Variants in PLCG2 observed in about 807,000 individuals in gnomAD.
PLCG2 encodes the protein phospholipase C gamma 2.
PLCG2 carries 69 observed loss-of-function variants against 175.6 expected under a neutral mutation model. That is an observed-to-expected ratio of 0.39 (90% CI 0.32 to 0.48). PLCG2 has a LOEUF of 0.48. Ranked by LOEUF, PLCG2 falls within the 20% of genes least tolerant of loss-of-function variation. The probability of loss-of-function intolerance (pLI) is 0.91; values close to 1 mark genes in which losing one functional copy is unlikely to be tolerated. For synonymous variants in PLCG2, 827 were observed against 624.0 expected, an observed-to-expected ratio of 1.33 and a Z score of -4.85; for missense variants, 1,798 against 1,650.9, an observed-to-expected ratio of 1.09 and a Z score of -1.54.
intron 2 of PLCG2, among the ~76,000 whole-genome samples, chr16:81,836,625 C>G (rs1026022693): frequency 2.0e-5 from 3 of 152,182 alleles, no homozygotes; most frequent in African/African-American, 7.2e-5. Context: ...CCTTTGGTCC[C>G]AGCTCCTTAG....
chr16:81,885,183 C>T (rs536979505), intron 9 of PLCG2, among the ~76,000 whole-genome samples: 18 of 152,222 alleles, frequency 1.2e-4, no homozygotes, highest in African/African-American at 4.1e-4. Flanking sequence ...TCTGCCACAA[C>T]ACCTGTATTT....
intron 2 of PLCG2, among the ~76,000 whole-genome samples, chr16:81,843,535 T>C (rs1337914573): frequency 6.6e-6 from 1 of 152,234 alleles, no homozygotes; most frequent in Non-Finnish European, 1.5e-5. Context: ...CTTAAGTACC[T>C]AAAATCAGCC....
chr16:81,830,044 G>A (rs1324297585), intron 2 of PLCG2, among the ~76,000 whole-genome samples: 1 of 152,096 alleles, frequency 6.6e-6, no homozygotes, highest in Non-Finnish European at 1.5e-5. Context: ...TAGTGGCCGG[G>A]TGCAGTGGCT....
At chr16:81,783,223 G>A (rs914239751) in intron 1 of PLCG2, 1 of 452,652 alleles carries the variant, frequency 2.2e-6, no homozygotes, top group Non-Finnish European at 4.4e-6. Flanking sequence ...CAGGATGCAT[G>A]GCTGGGAACA....
rs747460301 is a variant in PLCG2 at position 81,958,652 on chromosome 16, GA to G, written c.*656del. 53 of 223,942 alleles carry G rather than the reference GA, an allele frequency of 2.4e-4. No individual in the cohort carries two copies. Among genetic ancestry groups the G allele is most frequent in the Non-Finnish European group, 3.4e-4 (38 of 112,298 alleles). 13.9% of individuals were successfully genotyped at this position (223,942 alleles called of 1,614,324 possible). A position where few individuals can be genotyped will look rare whatever the true frequency, so the allele number is the denominator to read the frequency against. ...CTAGAGTTACTGGGATGGAGGGTAG[GA>G]ATCTTGGGGCCTCTTTGTTTTAAAA... On this transcript the variant is annotated 3_prime_UTR_variant, in exon 33 of 33. Transcript: ENST00000564138.
intron 2 of PLCG2, among the ~76,000 whole-genome samples, chr16:81,773,665 A>T (rs1199431184): frequency 6.6e-6 from 1 of 152,184 alleles, no homozygotes; most frequent in East Asian, 1.9e-4. Flanking sequence ...GTTCATTGCA[A>T]TGTAGTGACT....
chr16:81,818,105 A>G (rs1413781619), intron 2 of PLCG2, among the ~76,000 whole-genome samples: 1 of 152,098 alleles, frequency 6.6e-6, no homozygotes, highest in East Asian at 1.9e-4. Flanking sequence ...GAGAATTACA[A>G]CACCTACTTT....
chr16:81,749,370 A>G (rs1316043628), intron 1 of PLCG2, among the ~76,000 whole-genome samples: 5 of 151,948 alleles, frequency 3.3e-5, no homozygotes, highest in Admixed American at 1.3e-4. Context: ...TTTTTTTGCG[A>G]TGGAGTCTCA....
chr16:81,959,080 T>A lies in PLCG2; in HGVS notation c.*1082T>A. On this transcript the variant is annotated 3_prime_UTR_variant, in exon 33 of 33. Coordinates refer to ENST00000564138, the MANE Select transcript of PLCG2 (RefSeq NM_002661.5). ...TTAAGTTGTTAATACATACCAATAA[T>A]GTAATATGGCTTTTTAAAGGAGAGG... 1 of 223,502 alleles carries A rather than the reference T, an allele frequency of 4.5e-6. No homozygotes were observed. 13.8% of individuals were successfully genotyped at this position (223,502 alleles called of 1,614,324 possible).
intron 25 of PLCG2, among the ~76,000 whole-genome samples, chr16:81,933,401 G>T (rs1227407095): frequency 3.9e-5 from 6 of 152,120 alleles, no homozygotes; most frequent in African/African-American, 1.4e-4. Flanking sequence ...CTGTCCCTAA[G>T]TGCCCGCATT....
rs193156996 is a variant in PLCG2 at position 81,916,933 on chromosome 16, C to T, written c.2055-2551C>T. Reference sequence around the variant, plus strand: ...GATTACAGGTGTGAGCCACCACGCCCGGCCAGGACTTTGTTATTGACTATA... The same window carrying T: ...GATTACAGGTGTGAGCCACCACGCCTGGCCAGGACTTTGTTATTGACTATA... On this transcript the variant is annotated intron_variant, in intron 19 of 32. Coordinates refer to ENST00000564138, the MANE Select transcript of PLCG2 (RefSeq NM_002661.5). 3.0e-3 allele frequency among the ~76,000 whole-genome samples: 462 copies of T among 152,248 alleles called. 3 individuals are homozygous for T. Among genetic ancestry groups the T allele is most frequent in the African/African-American group, 0.01 (432 of 41,566 alleles).
chr16:81,926,643 A>G (rs534507430), intron 22 of PLCG2, among the ~76,000 whole-genome samples: 1 of 152,164 alleles, frequency 6.6e-6, no homozygotes, highest in Non-Finnish European at 1.5e-5. Context: ...ACGTTTATGC[A>G]TTTTTCAGAT....
intron 19 of PLCG2, among the ~76,000 whole-genome samples, chr16:81,918,665 T>C (rs1433266776): frequency 1.3e-5 from 2 of 152,228 alleles, no homozygotes; most frequent in Non-Finnish European, 2.9e-5. Flanking sequence ...GTAGTATATT[T>C]TGAAGTAAGA....
At chr16:81,950,583 C>A (rs1175076403) in intron 31 of PLCG2, among the ~76,000 whole-genome samples, 1 of 152,196 alleles carries the variant, frequency 6.6e-6, no homozygotes, top group African/African-American at 2.4e-5. Flanking sequence ...CTATTTTCTT[C>A]TGTCTCAAAC....
chr16:81,814,721 G>A (rs1477996100), intron 2 of PLCG2, among the ~76,000 whole-genome samples: 1 of 151,974 alleles, frequency 6.6e-6, no homozygotes, highest in East Asian at 1.9e-4. Context: ...ACACCCTGGG[G>A]GACATGAAGC....
chr16:81,902,668 C>T (rs1909201101), intron 14 of PLCG2, among the ~76,000 whole-genome samples: 2 of 152,054 alleles, frequency 1.3e-5, no homozygotes, highest in Admixed American at 6.6e-5. Flanking sequence ...ACCCTCATTC[C>T]CGTTCATGAG....
chr16:81,929,489 G>A (rs889392037), intron 24 of PLCG2, among the ~76,000 whole-genome samples: 12 of 152,200 alleles, frequency 7.9e-5, no homozygotes, highest in Non-Finnish European at 5.9e-5. Flanking sequence ...TCTGCCTCCT[G>A]GATTCAAGTG....
chr16:81,951,570 T>G (rs769396001), intron 31 of PLCG2, among the ~76,000 whole-genome samples: 2 of 152,232 alleles, frequency 1.3e-5, no homozygotes, highest in Non-Finnish European at 2.9e-5. Flanking sequence ...TCTTCTGTCT[T>G]GAAGCTATAC....
At chr16:81,762,793 A>G (rs191000359) in intron 2 of PLCG2, among the ~76,000 whole-genome samples, 13 of 152,336 alleles carry the variant, frequency 8.5e-5, no homozygotes, top group African/African-American at 3.1e-4. Context: ...GGCATTAAAA[A>G]TACTTGCTAA....
Sources: gnomAD v4.1 joint callset for allele counts (sites outside exome capture counted in the v4.1 genomes callset) on GRCh38, gnomAD v4.1.1 for gene constraint, MANE v1.5 for transcripts, NCBI Gene and HGNC (gene_info 2026-07-23, HGNC 2026-07-21) for gene names.